Variants in RALYL observed in about 807,000 individuals in gnomAD.
RALYL encodes the protein RNA-binding Raly-like protein.
RALYL carries 29 observed loss-of-function variants against 35.1 expected under a neutral mutation model. The ratio of observed to expected loss-of-function variants is 0.83; its 90% CI spans 0.61 to 1.13. RALYL has a LOEUF of 1.13. Among genes scored for constraint, RALYL ranks in the 50% most tolerant of loss-of-function variants. The pLI is 0.00. For synonymous variants in RALYL, 120 were observed against 127.6 expected, an observed-to-expected ratio of 0.94 and a Z score of 0.40; for missense variants, 359 against 360.4, an observed-to-expected ratio of 1.00 and a Z score of 0.03.
intron 1 of RALYL, among the ~76,000 whole-genome samples, chr8:84,193,117 C>T (rs1814395440): frequency 1.3e-5 from 2 of 151,702 alleles, no homozygotes. Context: ...AGTCCAATTG[C>T]CCATGTTTAA....
At chr8:84,819,494 A>G (rs1828035407) in intron 4 of RALYL, among the ~76,000 whole-genome samples, 1 of 152,220 alleles carries the variant, frequency 6.6e-6, no homozygotes, top group African/African-American at 2.4e-5. Context: ...ATGTATGTGC[A>G]TATTTTGACA....
intron 1 of RALYL, among the ~76,000 whole-genome samples, chr8:84,515,657 T>C (rs1233341244): frequency 6.6e-6 from 1 of 152,192 alleles, no homozygotes; most frequent in Non-Finnish European, 1.5e-5. Flanking sequence ...AGATTGTTGG[T>C]CTTGCCAGAA....
intron 2 of RALYL, among the ~76,000 whole-genome samples, chr8:84,538,132 G>C (rs1484475153): frequency 1.3e-5 from 2 of 152,316 alleles, no homozygotes; most frequent in South Asian, 2.1e-4. Context: ...CTAACGGTCT[G>C]TCAGCCAGGG....
intron 1 of RALYL, among the ~76,000 whole-genome samples, chr8:84,252,174 G>A (rs1422044473): frequency 1.3e-5 from 2 of 151,888 alleles, no homozygotes; most frequent in South Asian, 4.1e-4. Flanking sequence ...CCCTATTTGT[G>A]ACAAACATTG....
chr8:84,526,917 A>AGG (rs1564088388), intron 1 of RALYL, among the ~76,000 whole-genome samples: 3 of 152,104 alleles, frequency 2.0e-5, no homozygotes, highest in Non-Finnish European at 4.4e-5. Context: ...CTTCATCTAT[A>AGG]TTTCCCTGGT....
chr8:84,387,013 A>C (rs765287174), intron 1 of RALYL, among the ~76,000 whole-genome samples: 2 of 151,796 alleles, frequency 1.3e-5, no homozygotes, highest in Non-Finnish European at 2.9e-5. Flanking sequence ...TCCCTTAGAT[A>C]AGGCTTGTGA....
intron 4 of RALYL, among the ~76,000 whole-genome samples, chr8:84,824,757 T>C (rs1829294050): frequency 6.6e-6 from 1 of 152,164 alleles, no homozygotes; most frequent in Admixed American, 6.5e-5. Flanking sequence ...AAATAAGCGA[T>C]GGGGAATGGA....
chr8:84,504,092 A>T (rs1427438698), intron 1 of RALYL, among the ~76,000 whole-genome samples: 5 of 152,044 alleles, frequency 3.3e-5, no homozygotes, highest in African/African-American at 1.2e-4. Flanking sequence ...GGAGATACTT[A>T]ACTAAAATAA....
At chr8:84,468,657 G>T (rs1049911642) in intron 1 of RALYL, among the ~76,000 whole-genome samples, 1 of 147,834 alleles carries the variant, frequency 6.8e-6, no homozygotes, top group African/African-American at 2.5e-5. Flanking sequence ...TCTTTGTGGC[G>T]TTCTCTGTAT....
intron 2 of RALYL, among the ~76,000 whole-genome samples, chr8:84,660,833 A>T (rs1027186344): frequency 2.4e-4 from 37 of 152,156 alleles, no homozygotes; most frequent in Non-Finnish European, 4.7e-4. Context: ...AGAGAATTTG[A>T]AAAGAAAGTT....
intron 4 of RALYL, among the ~76,000 whole-genome samples, chr8:84,839,995 A>G (rs544798052): frequency 6.6e-6 from 1 of 152,306 alleles, no homozygotes; most frequent in East Asian, 1.9e-4. Context: ...GACCAAAGGT[A>G]GATAAAACCA....
chr8:84,865,497 G>A (rs1204003275), intron 6 of RALYL, among the ~76,000 whole-genome samples: 2 of 152,234 alleles, frequency 1.3e-5, no homozygotes, highest in Admixed American at 6.5e-5. Flanking sequence ...ATACTGATAA[G>A]CATTTAAAAT....
At chr8:84,729,598 G>C (rs1482146320) in intron 2 of RALYL, among the ~76,000 whole-genome samples, 5 of 152,076 alleles carry the variant, frequency 3.3e-5, no homozygotes, top group Non-Finnish European at 7.4e-5. Flanking sequence ...TCCAGAAGCT[G>C]GTTTTTTGAA....
intron 2 of RALYL, among the ~76,000 whole-genome samples, chr8:84,727,771 A>G (rs1845278528): frequency 6.6e-6 from 1 of 151,518 alleles, no homozygotes; most frequent in Non-Finnish European, 1.5e-5. Flanking sequence ...ATGATTTCCA[A>G]TTTCATCCAT....
chr8:84,519,224 A>G (rs1213779504), intron 1 of RALYL, among the ~76,000 whole-genome samples: 1 of 152,180 alleles, frequency 6.6e-6, no homozygotes, highest in Non-Finnish European at 1.5e-5. Context: ...CATATACTCT[A>G]TTTTACATAT....
intron 3 of RALYL, among the ~76,000 whole-genome samples, chr8:84,797,045 T>C (rs1238710297): frequency 1.3e-5 from 2 of 152,214 alleles, no homozygotes; most frequent in African/African-American, 4.8e-5. Context: ...ACTGACTGGA[T>C]GATTTATAAA....
At chr8:84,686,549 T>A (rs989024526) in intron 2 of RALYL, among the ~76,000 whole-genome samples, 1 of 151,966 alleles carries the variant, frequency 6.6e-6, no homozygotes, top group Non-Finnish European at 1.5e-5. Context: ...GGATTACAGG[T>A]GCATGCCACC....
intron 1 of RALYL, among the ~76,000 whole-genome samples, chr8:84,457,630 G>A (rs977358725): frequency 6.6e-6 from 1 of 151,742 alleles, no homozygotes; most frequent in Non-Finnish European, 1.5e-5. Context: ...TTTATTTTAA[G>A]CATTCTCTAA....
intron 2 of RALYL, among the ~76,000 whole-genome samples, chr8:84,654,828 CT>C (rs550010571): frequency 1.3e-5 from 2 of 152,246 alleles, no homozygotes; most frequent in South Asian, 4.1e-4. Context: ...ATTCATTCAT[CT>C]GTTTATGGGC....
Sources: allele counts gnomAD v4.1 joint callset (sites outside exome capture counted in the v4.1 genomes callset), GRCh38; gene constraint gnomAD v4.1.1; transcripts MANE v1.5; gene names NCBI Gene and HGNC (gene_info 2026-07-23, HGNC 2026-07-21).